Variants in DNM3 observed in about 807,000 individuals in gnomAD.
The protein encoded by DNM3 is dynamin 3.
DNM3 carries 47 observed loss-of-function variants against 101.6 expected under a neutral mutation model. The ratio of observed to expected loss-of-function variants is 0.46; its 90% CI spans 0.37 to 0.59. The LOEUF (loss-of-function observed/expected upper bound fraction) is 0.59. Among genes scored for constraint, DNM3 ranks in the 20% least tolerant of loss-of-function variants. The pLI is 0.00. For synonymous variants in DNM3, 385 were observed against 387.9 expected (o/e 0.99, Z 0.09); for missense variants, 849 against 1,085.7 (o/e 0.78, Z 3.06).
intron 1 of DNM3, among the ~76,000 whole-genome samples, chr1:171,852,883 TTTTG>T (rs147720795): frequency 4.9e-4 from 75 of 151,940 alleles, no homozygotes; most frequent in South Asian, 1.5e-3. Context: ...TTTGAAGGTT[TTTTG>T]TTTGTTTGTT....
intron 12 of DNM3, 98 bp from the exon 13 acceptor site, chr1:172,092,725 AT>A (rs142381854): frequency 0.02 from 23,176 of 1,185,164 alleles, 536 homozygotes; most frequent in East Asian, 0.15. Context: ...GTCTCCATTG[AT>A]TTTTTTTTTA....
At chr1:172,129,833 T>G (rs2056838572) in intron 13 of DNM3, among the ~76,000 whole-genome samples, 1 of 152,158 alleles carries the variant, frequency 6.6e-6, no homozygotes, top group African/African-American at 2.4e-5. Context: ...ATCACTATAC[T>G]TTGAGTATTA....
At chr1:171,899,926 G>A (rs1278258778) in intron 1 of DNM3, among the ~76,000 whole-genome samples, 2 of 152,198 alleles carry the variant, frequency 1.3e-5, no homozygotes, top group Non-Finnish European at 2.9e-5. Context: ...AAGGACAAAT[G>A]GGCAAGGGAG....
chr1:171,883,959 G>A (rs1024841042), intron 1 of DNM3, among the ~76,000 whole-genome samples: 2 of 152,172 alleles, frequency 1.3e-5, no homozygotes, highest in Admixed American at 1.3e-4. Flanking sequence ...CGTCTGCTCA[G>A]TGTGCTTGCC....
At chr1:171,997,255 T>C (rs1314874477) in intron 4 of DNM3, among the ~76,000 whole-genome samples, 1 of 152,144 alleles carries the variant, frequency 6.6e-6, no homozygotes, top group Non-Finnish European at 1.5e-5. Flanking sequence ...TACTAAAAAA[T>C]AGAATTGTAA....
intron 14 of DNM3, among the ~76,000 whole-genome samples, chr1:172,153,523 G>A (rs1229789730): frequency 2.0e-5 from 3 of 152,010 alleles, no homozygotes; most frequent in Admixed American, 2.0e-4. Flanking sequence ...ATTAGTTTTT[G>A]CCCTTCTTCC....
chr1:172,209,488 C>T (rs2060438328), intron 14 of DNM3, among the ~76,000 whole-genome samples: 2 of 151,580 alleles, frequency 1.3e-5, no homozygotes, highest in African/African-American at 4.8e-5. Context: ...TTCTGTTTAC[C>T]CAGGAGCCAA....
intron 1 of DNM3, among the ~76,000 whole-genome samples, chr1:171,910,491 C>T (rs1417810375): frequency 6.6e-6 from 1 of 152,180 alleles, no homozygotes; most frequent in Non-Finnish European, 1.5e-5. Flanking sequence ...CACTGGGGGT[C>T]TTGGGACATA....
intron 14 of DNM3, among the ~76,000 whole-genome samples, chr1:172,145,318 CTGTCTG>C (rs2057823272): frequency 6.6e-6 from 1 of 151,060 alleles, no homozygotes; most frequent in African/African-American, 2.5e-5. Flanking sequence ...GTCTGTCTGT[CTGTCTG>C]TCTCTCTCTC....
At chr1:172,234,268 G>A (rs1234368257) in intron 14 of DNM3, among the ~76,000 whole-genome samples, 2 of 152,132 alleles carry the variant, frequency 1.3e-5, no homozygotes, top group East Asian at 1.9e-4. Flanking sequence ...GCCAAATCAC[G>A]AGTGAACTCC....
chr1:171,911,570 A>AC, intron 1 of DNM3, among the ~76,000 whole-genome samples: 1 of 152,304 alleles, frequency 6.6e-6, no homozygotes, highest in East Asian at 1.9e-4. Context: ...GGTGTGAGCC[A>AC]CTGTGCCTGG....
chr1:172,382,866 G>C (rs566873003), intron 18 of DNM3, among the ~76,000 whole-genome samples: 1 of 152,150 alleles, frequency 6.6e-6, no homozygotes, highest in African/African-American at 2.4e-5. Context: ...TCACACTGGA[G>C]TGTGTGCTGT....
intron 8 of DNM3, among the ~76,000 whole-genome samples, chr1:172,042,658 TC>T (rs2049471919): frequency 6.6e-6 from 1 of 152,060 alleles, no homozygotes; most frequent in Admixed American, 6.6e-5. Flanking sequence ...TGGGTAAAGA[TC>T]TGGGGGAAAG....
At chr1:172,351,897 C>T (rs2148985753) in intron 17 of DNM3, among the ~76,000 whole-genome samples, 2 of 152,230 alleles carry the variant, frequency 1.3e-5, no homozygotes, top group East Asian at 3.9e-4. Context: ...CTCCTGGCAG[C>T]TGAGGATGAA....
intron 4 of DNM3, among the ~76,000 whole-genome samples, chr1:172,013,270 A>T (rs2047240244): frequency 6.6e-6 from 1 of 152,058 alleles, no homozygotes; most frequent in Admixed American, 6.6e-5. Context: ...AAATGGGAGA[A>T]ATGTCAGTGT....
At chr1:171,945,941 A>G (rs75635609) in intron 2 of DNM3, among the ~76,000 whole-genome samples, 1,531 of 152,296 alleles carry the variant, frequency 0.01, 31 homozygotes, top group African/African-American at 0.035. Context: ...AGCATGCTAT[A>G]GGAAACTAAA....
chr1:171,955,173 C>T (rs2042774450), intron 2 of DNM3, among the ~76,000 whole-genome samples: 1 of 152,082 alleles, frequency 6.6e-6, no homozygotes, highest in African/African-American at 2.4e-5. Flanking sequence ...TATCCCTTAG[C>T]CATAGAATAG....
intron 2 of DNM3, among the ~76,000 whole-genome samples, chr1:171,938,826 G>C (rs1461210766): frequency 6.6e-6 from 1 of 152,024 alleles, no homozygotes; most frequent in African/African-American, 2.4e-5. Flanking sequence ...TTGTTTTTGA[G>C]GGGAAAAAAA....
chr1:171,914,677 A>G (rs1264956379), intron 1 of DNM3, among the ~76,000 whole-genome samples: 3 of 152,204 alleles, frequency 2.0e-5, no homozygotes, highest in Non-Finnish European at 4.4e-5. Flanking sequence ...GTGAGTTGAG[A>G]GTCATCTTGC....
Sources: gnomAD v4.1 joint callset for allele counts (sites outside exome capture counted in the v4.1 genomes callset) on GRCh38, gnomAD v4.1.1 for gene constraint, MANE v1.5 for transcripts, NCBI Gene and HGNC (gene_info 2026-07-23, HGNC 2026-07-21) for gene names.